The following SVIL variants were observed in gnomAD, a reference collection of about 807,000 sequenced individuals.
SVIL encodes archvillin.
In SVIL, 101 loss-of-function variants were observed where a neutral mutation model predicts 240.4. The ratio of observed to expected loss-of-function variants is 0.42; its 90% CI spans 0.36 to 0.50. SVIL has a LOEUF of 0.50. SVIL is among the 20% of genes least tolerant of loss of function. The pLI, the probability that SVIL is intolerant of heterozygous loss-of-function variation, is 0.01. For synonymous variants in SVIL, 999 were observed against 1,100.0 expected (o/e 0.91, Z 1.82); for missense variants, 2,512 against 2,818.7 (o/e 0.89, Z 2.46).
intron 1 of SVIL, among the ~76,000 whole-genome samples, chr10:29,702,232 T>C (rs1254947839): frequency 1.3e-5 from 2 of 149,540 alleles, no homozygotes; most frequent in Non-Finnish European, 3.0e-5. Context: ...CAATGAACTG[T>C]CCCATACTAT....
At chr10:29,562,880 C>T (rs112101030) in intron 3 of SVIL, among the ~76,000 whole-genome samples, 136 of 151,586 alleles carry the variant, frequency 9.0e-4, no homozygotes, top group South Asian at 7.7e-3. Flanking sequence ...GAACTCACTG[C>T]CCTTGGAGAA....
At chr10:29,552,350 G>C (rs1437410788) in intron 5 of SVIL, among the ~76,000 whole-genome samples, 3 of 152,056 alleles carry the variant, frequency 2.0e-5, no homozygotes, top group South Asian at 2.1e-4. Context: ...AGATCACGAG[G>C]TCAGGAGTTC....
intron 36 of SVIL, 147 bp downstream of exon 36, chr10:29,462,130 A>C: frequency 1.9e-6 from 2 of 1,076,960 alleles, no homozygotes; most frequent in Non-Finnish European, 1.3e-6. Flanking sequence ...TTCCTAAGCA[A>C]ATTCTATGTA....
chr10:29,479,423 A>G (rs1460145743), intron 29 of SVIL, among the ~76,000 whole-genome samples: 4 of 152,162 alleles, frequency 2.6e-5, no homozygotes, highest in Non-Finnish European at 5.9e-5. Flanking sequence ...GCCCTCAGCT[A>G]CAGGCAGAGT....
chr10:29,480,873 T>C lies in SVIL; in HGVS notation c.5101-60A>G, dbSNP rs974958928. On this transcript the variant is annotated intron_variant, in intron 28 of 37. Transcript: ENST00000355867. Reference sequence around the variant, plus strand: ...CTGTTTCTGCAGCTATTCCTTGTCATGCTCAATGCTGCTTCAGCTGTTCAT... The same window carrying C: ...CTGTTTCTGCAGCTATTCCTTGTCACGCTCAATGCTGCTTCAGCTGTTCAT... The C allele has an allele frequency of 2.0e-5, 31 of 1,539,906 alleles. No homozygotes were observed. In the African/African-American group the frequency reaches 2.7e-4, roughly 13 times the overall value.
In SVIL at chr10:29,462,135, T is replaced by C. The variant is rs564388361; in HGVS notation, c.6402+142A>G. The C allele has an allele frequency of 1.3e-4, 140 of 1,108,354 alleles. 3 individuals carry two copies. In the South Asian group the frequency reaches 2.0e-3, roughly 15 times the overall value. The allele number at this position is 1,108,354 out of a possible 1,614,324, so 68.7% of individuals were successfully genotyped here. A position where few individuals can be genotyped will look rare whatever the true frequency, so the allele number is the denominator to read the frequency against. On this transcript the variant is annotated intron_variant, in intron 36 of 37. Transcript: ENST00000355867. Reference sequence around the variant, plus strand: ...ACTTCTCTTCTTCCTAAGCAAATTCTATGTAGGTTTGTTAAGATGTTGCAA... The same window carrying C: ...ACTTCTCTTCTTCCTAAGCAAATTCCATGTAGGTTTGTTAAGATGTTGCAA...
chr10:29,662,012 C>T (rs945249023), intron 2 of SVIL, among the ~76,000 whole-genome samples: 1 of 152,102 alleles, frequency 6.6e-6, no homozygotes, highest in African/African-American at 2.4e-5. Context: ...TAGCAAGTGC[C>T]TCTAGTTCTG....
chr10:29,621,798 T>C (rs1957652945), intron 1 of SVIL, among the ~76,000 whole-genome samples: 1 of 152,092 alleles, frequency 6.6e-6, no homozygotes, highest in African/African-American at 2.4e-5. Flanking sequence ...ATTTTAATAA[T>C]AAAGATTTAT....
intron 1 of SVIL, among the ~76,000 whole-genome samples, chr10:29,577,847 T>C (rs1231879552): frequency 3.9e-5 from 6 of 152,166 alleles, no homozygotes. Flanking sequence ...ATAAAATAGT[T>C]GTAAATTTAA....
intron 1 of SVIL, among the ~76,000 whole-genome samples, chr10:29,585,469 A>G (rs1169397895): frequency 6.6e-6 from 1 of 152,178 alleles, no homozygotes; most frequent in Non-Finnish European, 1.5e-5. Flanking sequence ...GATTATAGGC[A>G]TGAGCCACCA....
chr10:29,615,551 C>T (rs545127581), intron 1 of SVIL, among the ~76,000 whole-genome samples: 9 of 152,356 alleles, frequency 5.9e-5, no homozygotes, highest in Non-Finnish European at 1.0e-4. Context: ...TAATTACTTT[C>T]CTTCTGGAGA....
At chr10:29,588,331 G>A (rs999907292) in intron 1 of SVIL, among the ~76,000 whole-genome samples, 11 of 150,514 alleles carry the variant, frequency 7.3e-5, no homozygotes, top group African/African-American at 1.7e-4. Flanking sequence ...TGGCAGAGAC[G>A]CATCTGACAC....
chr10:29,516,776 G>A (rs571463337), intron 16 of SVIL, among the ~76,000 whole-genome samples: 12 of 152,124 alleles, frequency 7.9e-5, no homozygotes, highest in Admixed American at 5.2e-4. Flanking sequence ...CAGGACACCC[G>A]GGGAAACGGT....
At chr10:29,590,629 C>T (rs1367903466) in intron 1 of SVIL, among the ~76,000 whole-genome samples, 1 of 152,130 alleles carries the variant, frequency 6.6e-6, no homozygotes, top group Non-Finnish European at 1.5e-5. Context: ...CTTTTGCAAC[C>T]TATTTATATG....
chr10:29,508,454 C>T (rs1036769210), intron 17 of SVIL: 33 of 1,232,292 alleles, frequency 2.7e-5, no homozygotes, highest in Middle Eastern at 2.2e-4. Flanking sequence ...GTCAGGGCAT[C>T]GCAATCACCT....
intron 1 of SVIL, among the ~76,000 whole-genome samples, chr10:29,711,123 A>G (rs889360068): frequency 2.7e-5 from 4 of 146,664 alleles, no homozygotes; most frequent in Admixed American, 6.8e-5. Flanking sequence ...CAAGGGGGCC[A>G]GAATGGCGAC....
At chr10:29,544,900 G>A (rs1240273540) in intron 6 of SVIL, 3 of 464,402 alleles carry the variant, frequency 6.5e-6, no homozygotes, top group Non-Finnish European at 8.9e-6. Context: ...GGTGTTTGGG[G>A]GTACAGGGAC....
chr10:29,484,730 C>G lies in SVIL; in HGVS notation c.4881G>C (p.Trp1627Cys). 2.5e-6 allele frequency: 4 copies of G among 1,614,090 alleles called. No homozygotes were observed. Among genetic ancestry groups the G allele is most frequent in the Admixed American group, 1.7e-5 (1 of 60,016 alleles). ...AGTTCTCATAGTCAAAGGTTCCATT[C>G]CATAAGTGCTTTGCCAGCTGAAATG... ...KIAFQLAKHL[W>C]NGTFDYENCD... Residue 1627 changes from tryptophan (W) to cysteine (C), a missense_variant, in exon 27 of 38, where the codon TGG becomes TGC. By Grantham distance (215) the Trp-to-Cys change is radical. Around this residue, in one of 3 missense-constraint regions of SVIL, gnomAD observed 797 missense variants for 925.3 expected, o/e 0.86. Transcript: ENST00000355867. The surrounding 1 kb of genome is among the most constrained non-coding windows in gnomAD (Gnocchi z 4.7).
At chr10:29,554,171 C>CT (rs1953673456) in intron 5 of SVIL, among the ~76,000 whole-genome samples, 1 of 152,008 alleles carries the variant, frequency 6.6e-6, no homozygotes, top group Non-Finnish European at 1.5e-5. Flanking sequence ...AATAGCCAGG[C>CT]ATGGTGGCAC....
Sources: allele counts gnomAD v4.1 joint callset (sites outside exome capture counted in the v4.1 genomes callset), GRCh38; gene constraint gnomAD v4.1.1; regional missense constraint gnomAD v4.1.1; non-coding constraint Gnocchi (gnomAD v3.1); transcripts MANE v1.5; gene names NCBI Gene and HGNC (gene_info 2026-07-23, HGNC 2026-07-21).